Variants in DLGAP1 observed in about 807,000 individuals in gnomAD.
DLGAP1 encodes the protein disks large-associated protein 1.
A neutral mutation model predicts 90.8 loss-of-function variants in DLGAP1; 11 were observed. That is an observed-to-expected ratio of 0.12 (90% confidence interval 0.08 to 0.20). The LOEUF (loss-of-function observed/expected upper bound fraction) is 0.20, where lower values mean the gene tolerates loss of function less well. DLGAP1 is among the 10% of genes least tolerant of loss of function. The pLI is 1.00. For missense variants in DLGAP1, 1,050 were observed against 1,333.8 expected (o/e 0.79, Z 3.31); for synonymous variants, 558 against 540.7 (o/e 1.03, Z -0.44).
intron 2 of DLGAP1, among the ~76,000 whole-genome samples, chr18:4,062,383 T>C (rs904408997): frequency 6.6e-6 from 1 of 152,164 alleles, no homozygotes; most frequent in African/African-American, 2.4e-5. Context: ...ATACCTCATC[T>C]ACACAGTCCG....
At chr18:3,533,611 G>C (rs2052151712) in intron 10 of DLGAP1, among the ~76,000 whole-genome samples, 1 of 152,134 alleles carries the variant, frequency 6.6e-6, no homozygotes, top group African/African-American at 2.4e-5. Flanking sequence ...TTCTTGCTCT[G>C]TCACCCAGGC....
intron 1 of DLGAP1, among the ~76,000 whole-genome samples, chr18:4,417,138 C>T (rs1402655536): frequency 6.6e-6 from 1 of 152,090 alleles, no homozygotes; most frequent in Admixed American, 6.5e-5. Context: ...CATGAGTTTG[C>T]AGTGGGATTT....
intron 1 of DLGAP1, among the ~76,000 whole-genome samples, chr18:4,396,619 T>C (rs1324303711): frequency 6.6e-6 from 1 of 152,140 alleles, no homozygotes; most frequent in East Asian, 1.9e-4. Flanking sequence ...TTCTTCCCTC[T>C]CAAGAGCAAT....
intron 7 of DLGAP1, among the ~76,000 whole-genome samples, chr18:3,604,631 C>T (rs1412143474): frequency 2.0e-5 from 3 of 152,170 alleles, no homozygotes; most frequent in Non-Finnish European, 4.4e-5. Context: ...TCCTTCTCTC[C>T]AGTCTCTTAA....
intron 10 of DLGAP1, among the ~76,000 whole-genome samples, chr18:3,511,955 C>A (rs1372344882): frequency 1.3e-5 from 2 of 152,116 alleles, no homozygotes; most frequent in African/African-American, 4.8e-5. Context: ...GGCAATCTCA[C>A]CAGCACAGTA....
At chr18:4,453,773 C>T (rs2083894322) in intron 1 of DLGAP1, among the ~76,000 whole-genome samples, 1 of 152,162 alleles carries the variant, frequency 6.6e-6, no homozygotes, top group East Asian at 1.9e-4. Context: ...CCTAACTTCA[C>T]GTGTTATGGA....
At position 3,500,860 on chromosome 18, in the gene DLGAP1, TA is replaced by T. The variant is rs543507639; in HGVS notation, c.2725-1467del. ...TATTTTTAGAAATATGAATATTGGATATTTTTTAGTCATTTTCCTTTCCTTA... is the reference window on the plus strand; with the variant it reads ...TATTTTTAGAAATATGAATATTGGATTTTTTTAGTCATTTTCCTTTCCTTA... On this transcript the variant is annotated intron_variant, in intron 12 of 12. Coordinates refer to ENST00000315677, the MANE Select transcript of DLGAP1 (RefSeq NM_004746.4). Among the ~76,000 whole-genome samples, 459 of 152,320 alleles carry T rather than the reference TA, an allele frequency of 3.0e-3. 2 individuals carry two copies. Among genetic ancestry groups the T allele is most frequent in the African/African-American group, 0.011 (447 of 41,564 alleles).
chr18:4,011,023 A>G (rs1471595179), intron 2 of DLGAP1, among the ~76,000 whole-genome samples: 2 of 151,864 alleles, frequency 1.3e-5, no homozygotes, highest in African/African-American at 4.8e-5. Context: ...TAAAAATACA[A>G]AAATTAGCCG....
At chr18:4,035,027 A>G (rs1290337206) in intron 2 of DLGAP1, among the ~76,000 whole-genome samples, 2 of 152,118 alleles carry the variant, frequency 1.3e-5, no homozygotes, top group African/African-American at 4.8e-5. Flanking sequence ...TTATGGCTGC[A>G]TAGTATTCCA....
chr18:4,090,637 C>A (rs1449673399), intron 2 of DLGAP1, among the ~76,000 whole-genome samples: 1 of 152,160 alleles, frequency 6.6e-6, no homozygotes, highest in South Asian at 2.1e-4. Context: ...CGCTTTTACA[C>A]CACTGGTGGG....
At chr18:4,138,330 A>G (rs548760030) in intron 2 of DLGAP1, among the ~76,000 whole-genome samples, 1 of 151,930 alleles carries the variant, frequency 6.6e-6, no homozygotes, top group Non-Finnish European at 1.5e-5. Context: ...TCGCAAAGTG[A>G]TGTTAGATTT....
chr18:3,706,090 G>C (rs1229491657), intron 7 of DLGAP1, among the ~76,000 whole-genome samples: 1 of 150,832 alleles, frequency 6.6e-6, no homozygotes, highest in African/African-American at 2.4e-5. Flanking sequence ...CTCTGCCTTG[G>C]GGTTCAAGTG....
rs1226462553 is a variant in DLGAP1, at chr18:3,660,479, C to A, written c.1591+68656G>T. ...AACTCCTCTGCCCAGAAATTTGTAG[C>A]ATAGAGCAAACACACAAAAAATATT... On this transcript the variant is annotated intron_variant, in intron 7 of 12. Coordinates refer to ENST00000315677, the MANE Select transcript of DLGAP1 (RefSeq NM_004746.4). The surrounding 1 kb of genome is among the most constrained non-coding windows in gnomAD (Gnocchi z 4.2). 6.6e-6 allele frequency among the ~76,000 whole-genome samples: 1 copy of A among 152,326 alleles called. No individual in the cohort carries two copies. Among genetic ancestry groups the A allele is most frequent in the African/African-American group, 2.4e-5 (1 of 41,546 alleles).
chr18:3,549,678 A>G (rs1251056282), intron 9 of DLGAP1, among the ~76,000 whole-genome samples: 3 of 151,810 alleles, frequency 2.0e-5, no homozygotes, highest in African/African-American at 2.4e-5. Flanking sequence ...CTGTCCCTGT[A>G]TTTTTCCATT....
chr18:4,016,703 A>G (rs1327418828), intron 2 of DLGAP1, among the ~76,000 whole-genome samples: 1 of 152,208 alleles, frequency 6.6e-6, no homozygotes, highest in East Asian at 1.9e-4. Context: ...GTATGCTGAC[A>G]AGTTTGGTAG....
At chr18:3,801,056 G>A (rs766337248) in intron 5 of DLGAP1, among the ~76,000 whole-genome samples, 41 of 152,104 alleles carry the variant, frequency 2.7e-4, no homozygotes, top group Non-Finnish European at 4.9e-4. Context: ...CATGACACAC[G>A]GTGAGAGCAA....
chr18:3,506,080 T>G (rs956634307), intron 11 of DLGAP1, among the ~76,000 whole-genome samples: 3 of 151,376 alleles, frequency 2.0e-5, no homozygotes, highest in African/African-American at 7.3e-5. Flanking sequence ...CTACTAAAAA[T>G]ACAAAAAATT....
chr18:3,532,350 C>A (rs984421101), intron 10 of DLGAP1, among the ~76,000 whole-genome samples: 2 of 151,536 alleles, frequency 1.3e-5, no homozygotes, highest in Non-Finnish European at 2.9e-5. Context: ...GAGGCCGAGG[C>A]GGGTGGATCA....
intron 9 of DLGAP1, among the ~76,000 whole-genome samples, chr18:3,553,838 A>G (rs2053609996): frequency 6.6e-6 from 1 of 152,250 alleles, no homozygotes; most frequent in African/African-American, 2.4e-5. Flanking sequence ...CGGCCCACAC[A>G]TAGTTTTTTA....
Sources: allele counts gnomAD v4.1 joint callset (sites outside exome capture counted in the v4.1 genomes callset), GRCh38; gene constraint gnomAD v4.1.1; non-coding constraint Gnocchi (gnomAD v3.1); transcripts MANE v1.5; gene names NCBI Gene and HGNC (gene_info 2026-07-23, HGNC 2026-07-21).